The following ALDH8A1 variants were observed in gnomAD, a reference collection of about 807,000 sequenced individuals.
The protein encoded by ALDH8A1 is 2-aminomuconic semialdehyde dehydrogenase.
In ALDH8A1, 39 loss-of-function variants were observed where a neutral mutation model predicts 43.3. The observed-to-expected ratio is 0.90, with a 90% CI of 0.70 to 1.18. ALDH8A1 has a LOEUF of 1.18. ALDH8A1 is among the 50% of genes most tolerant of loss of function. The pLI is 0.00. For missense variants in ALDH8A1, 605 were observed against 622.6 expected (o/e 0.97, Z 0.30); for synonymous variants, 233 against 243.5 (o/e 0.96, Z 0.40).
At chr6:134,925,371 G>A (rs960001066) in intron 6 of ALDH8A1, among the ~76,000 whole-genome samples, 2 of 152,118 alleles carry the variant, frequency 1.3e-5, no homozygotes, top group South Asian at 2.1e-4. Flanking sequence ...GGTTTCAAGC[G>A]TTTTCTTGGA....
At position 134,943,874 on chromosome 6, in the gene ALDH8A1, C is replaced by A. The variant is rs568113669; in HGVS notation, c.231G>T (p.Ala77=). The change falls in exon 2 of 7, where the codon GCG becomes GCT. Residue 77 remains alanine (A), a synonymous_variant. Coordinates refer to ENST00000265605, the MANE Select transcript of ALDH8A1 (RefSeq NM_022568.4). ...CCTCCAGGGACTGCTCCAGCAAATCCGCCACCTGGTTCAGGACCCGTGAGC... is the reference window on the plus strand; with the variant it reads ...CCTCCAGGGACTGCTCCAGCAAATCAGCCACCTGGTTCAGGACCCGTGAGC... ...QERSRVLNQV[A]DLLEQSLEEF... 6.2e-7 allele frequency: 1 copy of A among 1,614,212 alleles called. No homozygotes were observed. The highest frequency in any genetic ancestry group is 2.2e-5 in the East Asian group (1 of 44,884).
chr6:134,940,176 T>G (rs1311705403), intron 3 of ALDH8A1: 1 of 362,750 alleles, frequency 2.8e-6, no homozygotes, highest in Admixed American at 3.7e-5. Flanking sequence ...ATGGCACACG[T>G]TTACCTATGT....
At chr6:134,922,175 A>G (rs1293789097) in intron 6 of ALDH8A1, among the ~76,000 whole-genome samples, 7 of 152,154 alleles carry the variant, frequency 4.6e-5, no homozygotes, top group Non-Finnish European at 1.5e-5. Context: ...GGCTTTATAC[A>G]GAGGAGGCAT....
intron 6 of ALDH8A1, among the ~76,000 whole-genome samples, chr6:134,927,192 A>G (rs1348756381): frequency 6.6e-6 from 1 of 152,206 alleles, no homozygotes; most frequent in Non-Finnish European, 1.5e-5. Flanking sequence ...AACACATAGA[A>G]TCTGCAATCT....
intron 3 of ALDH8A1, among the ~76,000 whole-genome samples, chr6:134,941,239 A>C (rs1773847301): frequency 6.6e-6 from 1 of 151,898 alleles, no homozygotes; most frequent in African/African-American, 2.4e-5. Context: ...CAGAGTCTCG[A>C]TCTATCACCC....
At chr6:134,944,102 C>T (rs927311877) in intron 1 of ALDH8A1, 136 bp from the exon 2 acceptor site, 13 of 1,238,018 alleles carry the variant, frequency 1.1e-5, no homozygotes, top group Non-Finnish European at 1.3e-5. Context: ...GATTCTCACT[C>T]TGTAGCCCAG....
At chr6:134,944,855 C>T (rs1287456073) in intron 1 of ALDH8A1, among the ~76,000 whole-genome samples, 1 of 151,446 alleles carries the variant, frequency 6.6e-6, no homozygotes, top group Non-Finnish European at 1.5e-5. Context: ...TGCCACTGCA[C>T]TCCAGCCTAG....
intron 2 of ALDH8A1, among the ~76,000 whole-genome samples, 154 bp from the exon 3 acceptor site, chr6:134,942,718 G>A (rs1375403128): frequency 6.6e-6 from 1 of 152,292 alleles, no homozygotes; most frequent in East Asian, 1.9e-4. Flanking sequence ...ACTTGATCAT[G>A]GTTTGATAAA....
intron 4 of ALDH8A1, among the ~76,000 whole-genome samples, chr6:134,935,950 C>A (rs1392503213): frequency 1.4e-5 from 2 of 144,062 alleles, no homozygotes; most frequent in African/African-American, 2.7e-5. Flanking sequence ...CAGAGCCCCA[C>A]TTCTTTTTTT....
At chr6:134,943,683 AG>A (rs1327905607) in intron 2 of ALDH8A1, 135 bp downstream of exon 2, 1 of 1,330,610 alleles carries the variant, frequency 7.5e-7, no homozygotes, top group African/African-American at 1.5e-5. Flanking sequence ...GGCCTGGAGC[AG>A]GGGAGGGTTT....
Position 134,926,822 on chromosome 6 carries a change from A to G in ALDH8A1, c.1011+2232T>C, listed in dbSNP as rs79133592. Among the ~76,000 whole-genome samples the G allele has an allele frequency of 3.6e-5, 5 of 138,790 alleles. 1 individual carries two copies. Among genetic ancestry groups the G allele is most frequent in the Admixed American group, 2.9e-4 (4 of 13,634 alleles). 91.1% of individuals were successfully genotyped at this position (138,790 alleles called of 152,430 possible). ...AGACTCTATCTCAAAAAAAAAAAAA[A>G]GGGCAGTGTGTGTGAAGCACCACAA... is the stretch of plus-strand genomic sequence containing the variant. On this transcript the variant is annotated intron_variant, in intron 6 of 6. Transcript: ENST00000265605.
At position 134,950,070 on chromosome 6, in the gene ALDH8A1, G is replaced by GCCTTTCCT; in HGVS notation, c.-25_-18dup. The GCCTTTCCT allele has an allele frequency of 6.2e-7, 1 of 1,604,282 alleles. No individual in the cohort carries two copies. The highest frequency in any genetic ancestry group is 8.5e-7 in the Non-Finnish European group (1 of 1,175,286). The stretch of plus-strand genomic sequence containing the variant: ...TCCAGCCATAGCAAGGAAAAATTCT[G>GCCTTTCCT]CCTTTCCTCTTTACGACTGAGCACT... On this transcript the variant is annotated 5_prime_UTR_variant, in exon 1 of 7. Coordinates refer to ENST00000265605, the MANE Select transcript of ALDH8A1 (RefSeq NM_022568.4).
chr6:134,942,362 A>G, intron 3 of ALDH8A1, 47 bp downstream of exon 3: 1 of 1,503,932 alleles, frequency 6.6e-7, no homozygotes, highest in Non-Finnish European at 9.0e-7. Context: ...TGTTGTGAGC[A>G]TCTGCAAGCA....
chr6:134,949,677 C>T (rs1361604137), intron 1 of ALDH8A1, among the ~76,000 whole-genome samples: 1 of 152,084 alleles, frequency 6.6e-6, no homozygotes, highest in African/African-American at 2.4e-5. Context: ...AAAAACTGCA[C>T]ACAGGGCTGT....
rs772451824 is a variant in ALDH8A1 at position 134,918,583 on chromosome 6, G to C, written c.1296C>G (p.His432Gln). 2.5e-6 allele frequency: 4 copies of C among 1,614,170 alleles called. No individual in the cohort carries two copies. The Admixed American group carries it at 5.0e-5, about 20-fold the overall frequency. Residue 432 changes from histidine to glutamine, a missense_variant, in exon 7 of 7, where the codon CAC (histidine) becomes CAG (glutamine). By Grantham distance (24) the His-to-Gln change is conservative. Transcript: ENST00000265605. ...TVWSSNVGRV[H>Q]RVAKKLQSGL... Reference sequence around the variant, plus strand: ...CAGACTGCAGCTTCTTAGCCACCCGGTGGACGCGCCCCACATTGCTGGACC... The same window carrying C: ...CAGACTGCAGCTTCTTAGCCACCCGCTGGACGCGCCCCACATTGCTGGACC...
Position 134,949,970 on chromosome 6 carries a change from G to A in ALDH8A1, c.84C>T (p.Tyr28=), listed in dbSNP as rs367653344. The part of the protein sequence containing the change: ...FLPCSSYIDS[Y]DPSTGEVYCR... ...AATACACTTCCCCTGTTGATGGGTC[G>A]TAAGAATCTATATATGAGCTACAAG... The change falls in exon 1 of 7, where the codon TAC becomes TAT. Residue 28 remains tyrosine, a synonymous_variant. Coordinates refer to ENST00000265605, the MANE Select transcript of ALDH8A1 (RefSeq NM_022568.4). 25 of 1,612,542 alleles carry A rather than the reference G, an allele frequency of 1.6e-5. No homozygotes were observed. The East Asian group carries it at 2.0e-4, about 13-fold the overall frequency.
At chr6:134,932,582 G>T (rs1009707105) in intron 5 of ALDH8A1, among the ~76,000 whole-genome samples, 194 bp downstream of exon 5, 5 of 152,182 alleles carry the variant, frequency 3.3e-5, no homozygotes, top group Admixed American at 2.6e-4. Context: ...CTGAACAGAA[G>T]CTGTGACTCT....
At chr6:134,947,840 T>C (rs1242332755) in intron 1 of ALDH8A1, among the ~76,000 whole-genome samples, 2 of 114,896 alleles carry the variant, frequency 1.7e-5, no homozygotes, top group Non-Finnish European at 3.4e-5. Flanking sequence ...GCATGTAGGT[T>C]TCTCAAAAAA....
At chr6:134,924,738 G>A (rs1398780121) in intron 6 of ALDH8A1, among the ~76,000 whole-genome samples, 2 of 152,114 alleles carry the variant, frequency 1.3e-5, no homozygotes, top group Non-Finnish European at 2.9e-5. Flanking sequence ...GTCACTCACA[G>A]ACAACAATGT....
Sources: allele counts gnomAD v4.1 joint callset (sites outside exome capture counted in the v4.1 genomes callset), GRCh38; gene constraint gnomAD v4.1.1; transcripts MANE v1.5; gene names NCBI Gene and HGNC (gene_info 2026-07-23, HGNC 2026-07-21).